HIVEP1: variants seen among roughly 807,000 people sequenced by gnomAD.
HIVEP1 encodes the protein zinc finger protein 40.
HIVEP1 carries 36 observed loss-of-function variants against 180.0 expected under a neutral mutation model. The ratio of observed to expected loss-of-function variants is 0.20; its 90% confidence interval spans 0.15 to 0.26. HIVEP1 has a LOEUF of 0.26. Among genes scored for constraint, HIVEP1 ranks in the 10% least tolerant of loss-of-function variants. The probability of loss-of-function intolerance (pLI) is 1.00; values close to 1 mark genes in which losing one functional copy is unlikely to be tolerated. For synonymous variants in HIVEP1, 1,239 were observed against 1,239.0 expected, an observed-to-expected ratio of 1.00 and a Z score of 0.00; for missense variants, 3,143 against 3,268.7, an observed-to-expected ratio of 0.96 and a Z score of 0.94.
At chr6:12,037,131 G>A (rs1769326002) in intron 2 of HIVEP1, among the ~76,000 whole-genome samples, 1 of 152,198 alleles carries the variant, frequency 6.6e-6, no homozygotes, top group African/African-American at 2.4e-5. Flanking sequence ...AGCAGTGATG[G>A]AGGGGACGGA....
intron 7 of HIVEP1, among the ~76,000 whole-genome samples, chr6:12,139,021 T>TTTA (rs1347465141): frequency 6.6e-6 from 1 of 151,944 alleles, no homozygotes; most frequent in Non-Finnish European, 1.5e-5. Flanking sequence ...TCTACTAAAT[T>TTTA]GCTTCTGGAA....
At chr6:12,172,487 A>G in the HIVEP1 span, among the ~76,000 whole-genome samples, 1 of 152,316 alleles carries the variant, frequency 6.6e-6, no homozygotes, top group East Asian at 1.9e-4. Flanking sequence ...AAGACACCTC[A>G]AATTAAACAG....
intron 3 of HIVEP1, among the ~76,000 whole-genome samples, chr6:12,092,565 G>A (rs1773543205): frequency 1.3e-5 from 2 of 152,112 alleles, no homozygotes; most frequent in South Asian, 2.1e-4. Flanking sequence ...GAATGTGAAT[G>A]TTCAGCTCTA....
intron 2 of HIVEP1, among the ~76,000 whole-genome samples, chr6:12,017,349 T>C (rs1397337949): frequency 6.6e-5 from 10 of 152,184 alleles, no homozygotes; most frequent in African/African-American, 2.4e-4. Context: ...TGTTCAGATG[T>C]GTTTGGAGTT....
chr6:12,080,393 A>G (rs1208003892), intron 2 of HIVEP1, among the ~76,000 whole-genome samples: 1 of 152,198 alleles, frequency 6.6e-6, no homozygotes, highest in East Asian at 1.9e-4. Flanking sequence ...CCCCACTATT[A>G]AAAGTGCAGT....
chr6:12,077,308 C>G (rs1393877877), intron 2 of HIVEP1, among the ~76,000 whole-genome samples: 1 of 152,150 alleles, frequency 6.6e-6, no homozygotes, highest in Non-Finnish European at 1.5e-5. Flanking sequence ...TTGTCACTGG[C>G]AATACAGAGC....
intron 3 of HIVEP1, among the ~76,000 whole-genome samples, chr6:12,113,984 TTC>T (rs1241600392): frequency 6.6e-6 from 1 of 152,234 alleles, no homozygotes; most frequent in East Asian, 1.9e-4. Context: ...TAATTAATTT[TTC>T]TGTCTTGTAT....
At chr6:12,043,241 C>T (rs1252156992) in intron 2 of HIVEP1, among the ~76,000 whole-genome samples, 1 of 151,926 alleles carries the variant, frequency 6.6e-6, no homozygotes, top group East Asian at 1.9e-4. Flanking sequence ...CTGTTTTTAC[C>T]TACTCTCTTT....
At chr6:12,055,366 G>T (rs567691751) in intron 2 of HIVEP1, among the ~76,000 whole-genome samples, 1 of 152,098 alleles carries the variant, frequency 6.6e-6, no homozygotes, top group Non-Finnish European at 1.5e-5. Flanking sequence ...CCAGCTACTC[G>T]GGAGGCTGAG....
intron 1 of HIVEP1, 103 bp from the exon 2 acceptor site, chr6:12,015,423 T>C: frequency 2.2e-6 from 1 of 447,914 alleles, no homozygotes; most frequent in Non-Finnish European, 3.9e-6. Flanking sequence ...GCTTGGTTAC[T>C]TTTTCTTGAG....
At chr6:12,204,102 G>A in the HIVEP1 span, among the ~76,000 whole-genome samples, 1 of 151,844 alleles carries the variant, frequency 6.6e-6, no homozygotes, top group Non-Finnish European at 1.5e-5. Flanking sequence ...AAGTGAAGTT[G>A]TGAAGTTCAG....
the HIVEP1 span, among the ~76,000 whole-genome samples, chr6:12,176,406 AT>A: frequency 6.6e-6 from 1 of 151,662 alleles, no homozygotes; most frequent in Non-Finnish European, 1.5e-5. Flanking sequence ...TAATTTTTGT[AT>A]TTTTAGTAGA....
At chr6:12,203,209 A>G in the HIVEP1 span, among the ~76,000 whole-genome samples, 38 of 152,334 alleles carry the variant, frequency 2.5e-4, no homozygotes, top group Non-Finnish European at 5.3e-4. Flanking sequence ...GCAGCTGGAA[A>G]TGACCTTATA....
At chr6:12,108,909 A>G (rs903374784) in intron 3 of HIVEP1, among the ~76,000 whole-genome samples, 5 of 152,238 alleles carry the variant, frequency 3.3e-5, no homozygotes, top group African/African-American at 1.2e-4. Context: ...AGGCGCCGAG[A>G]GGGAGCGAGG....
chr6:12,020,497 C>T (rs551710961), intron 2 of HIVEP1: 6 of 468,672 alleles, frequency 1.3e-5, no homozygotes, highest in East Asian at 1.4e-4. Context: ...GGGTTATCTC[C>T]ACCACCTTCT....
intron 2 of HIVEP1, among the ~76,000 whole-genome samples, chr6:12,061,836 T>C (rs79088963): frequency 0.025 from 3,866 of 152,138 alleles, 172 homozygotes; most frequent in African/African-American, 0.088. Flanking sequence ...AGCTACAGTT[T>C]AAAAAAAATT....
chr6:12,111,125 C>G (rs975193052), intron 3 of HIVEP1, among the ~76,000 whole-genome samples: 1 of 152,064 alleles, frequency 6.6e-6, no homozygotes, highest in African/African-American at 2.4e-5. Flanking sequence ...ACAGTAAAAA[C>G]AAAGATCACT....
chr6:12,040,265 G>A (rs1769589456), intron 2 of HIVEP1, among the ~76,000 whole-genome samples: 2 of 152,286 alleles, frequency 1.3e-5, no homozygotes, highest in South Asian at 2.1e-4. Context: ...CCACCAGGTG[G>A]TGCAAATCTT....
At chr6:12,083,247 C>T (rs1411303372) in intron 2 of HIVEP1, among the ~76,000 whole-genome samples, 2 of 151,924 alleles carry the variant, frequency 1.3e-5, no homozygotes, top group Non-Finnish European at 2.9e-5. Context: ...GAGCATTTTC[C>T]ATCAATAAAT....
Sources: gnomAD v4.1 joint callset for allele counts (sites outside exome capture counted in the v4.1 genomes callset) on GRCh38, gnomAD v4.1.1 for gene constraint, MANE v1.5 for transcripts, NCBI Gene and HGNC (gene_info 2026-07-23, HGNC 2026-07-21) for gene names.